Variants in TXLNG observed in about 807,000 individuals in gnomAD.
TXLNG encodes the protein taxilin gamma.
Under a neutral mutation model 38.8 loss-of-function variants are expected in TXLNG, and 5 were observed. The ratio of observed to expected loss-of-function variants is 0.13; its 90% confidence interval spans 0.07 to 0.27. The LOEUF (loss-of-function observed/expected upper bound fraction) is 0.27, where lower values mean the gene tolerates loss of function less well. TXLNG is among the 10% of genes least tolerant of loss of function. TXLNG has a pLI of 1.00. For missense variants in TXLNG, 393 were observed against 398.2 expected (o/e 0.99, Z 0.11); for synonymous variants, 182 against 158.2 (o/e 1.15, Z -1.13).
chrX:16,840,375 C>A (rs903656647), intron 9 of TXLNG: 2 of 697,383 alleles, frequency 2.9e-6, no homozygotes, highest in Admixed American at 1.8e-4. Flanking sequence ...TAGGGCCTTT[C>A]TAGCTTGACT....
At chrX:16,789,697 T>A (rs1264805199) in intron 1 of TXLNG, among the ~76,000 whole-genome samples, 1 of 107,816 alleles carries the variant, frequency 9.3e-6, no homozygotes, top group Non-Finnish European at 1.9e-5. Flanking sequence ...TAAAAAAAAA[T>A]TAATAGACTT....
intron 1 of TXLNG, among the ~76,000 whole-genome samples, chrX:16,814,323 G>C (rs1331959100): frequency 9.0e-6 from 1 of 111,724 alleles, no homozygotes; most frequent in Non-Finnish European, 1.9e-5. Flanking sequence ...CATGCAAATA[G>C]GCAGACTCAG....
At chrX:16,799,155 A>G (rs1927991045) in intron 1 of TXLNG, among the ~76,000 whole-genome samples, 1 of 111,423 alleles carries the variant, frequency 9.0e-6, no homozygotes, top group African/African-American at 3.3e-5. Flanking sequence ...CTGGGATTAT[A>G]GGCATGAGCC....
intron 1 of TXLNG, among the ~76,000 whole-genome samples, chrX:16,816,302 C>T (rs1462301151): frequency 9.0e-6 from 1 of 111,557 alleles, no homozygotes; most frequent in Non-Finnish European, 1.9e-5. Context: ...GGCCTATTAA[C>T]AATTTTAAGA....
intron 1 of TXLNG, among the ~76,000 whole-genome samples, chrX:16,788,301 G>A (rs191585753): frequency 4.6e-3 from 516 of 112,120 alleles, no homozygotes; most frequent in Middle Eastern, 9.2e-3. Flanking sequence ...AACCAAGATA[G>A]GAGGTAATGA....
At chrX:16,811,523 GT>G (rs1390700398) in intron 1 of TXLNG, among the ~76,000 whole-genome samples, 1 of 107,138 alleles carries the variant, frequency 9.3e-6, no homozygotes, top group Non-Finnish European at 1.9e-5. Flanking sequence ...AATTTTTGTG[GT>G]TTTAGTAGAG....
At chrX:16,799,810 T>A (rs1928019774) in intron 1 of TXLNG, among the ~76,000 whole-genome samples, 1 of 111,790 alleles carries the variant, frequency 8.9e-6, no homozygotes, top group Admixed American at 9.5e-5. Flanking sequence ...GTAATGTTAG[T>A]TTTTTTATTC....
At chrX:16,828,574 T>C (rs367657107) in intron 4 of TXLNG, among the ~76,000 whole-genome samples, 20 of 111,889 alleles carry the variant, frequency 1.8e-4, no homozygotes, top group African/African-American at 6.5e-4. Context: ...AGTTTTCTGC[T>C]GAGCACTGAT....
At chrX:16,786,680 CCTATAGCCA>C in intron 1 of TXLNG, 91 bp downstream of exon 1, 1 of 626,499 alleles carries the variant, frequency 1.6e-6, no homozygotes. Flanking sequence ...TCCCTGGTTA[CCTATAGCCA>C]CGGGACGAAC....
chrX:16,821,793 A>G (rs1381335734), intron 3 of TXLNG, among the ~76,000 whole-genome samples: 1 of 107,448 alleles, frequency 9.3e-6, no homozygotes, highest in Non-Finnish European at 1.9e-5. Flanking sequence ...GATCGAGACC[A>G]TCCTGGCTAA....
chrX:16,827,404 A>G (rs1929209774), intron 3 of TXLNG, among the ~76,000 whole-genome samples: 1 of 111,395 alleles, frequency 9.0e-6, no homozygotes, highest in Non-Finnish European at 1.9e-5. Context: ...AGTAGGTTTC[A>G]GCTAGAACTG....
At chrX:16,792,631 C>T (rs780176628) in intron 1 of TXLNG, among the ~76,000 whole-genome samples, 1 of 109,165 alleles carries the variant, frequency 9.2e-6, no homozygotes, top group Non-Finnish European at 1.9e-5. Flanking sequence ...GAATAAAAAA[C>T]TTAGCTAGGC....
intron 1 of TXLNG, among the ~76,000 whole-genome samples, chrX:16,808,757 C>T (rs1481556396): frequency 9.0e-6 from 1 of 111,577 alleles, no homozygotes; most frequent in Non-Finnish European, 1.9e-5. Flanking sequence ...GATGGATGTA[C>T]AGCAGTTTAT....
intron 1 of TXLNG, among the ~76,000 whole-genome samples, chrX:16,815,225 G>T (rs747710060): frequency 1.8e-5 from 2 of 111,847 alleles, no homozygotes; most frequent in Non-Finnish European, 3.8e-5. Flanking sequence ...GCCCAGGCTG[G>T]AGTGCAATGG....
intron 1 of TXLNG, among the ~76,000 whole-genome samples, chrX:16,804,091 A>G (rs1453326919): frequency 1.8e-5 from 2 of 112,632 alleles, no homozygotes; most frequent in African/African-American, 6.5e-5. Context: ...CGCAATCCAC[A>G]CAAAGGTAAT....
chrX:16,792,585 C>A (rs765402891), intron 1 of TXLNG, among the ~76,000 whole-genome samples: 1 of 107,669 alleles, frequency 9.3e-6, no homozygotes, highest in Non-Finnish European at 1.9e-5. Flanking sequence ...TTTTGAGACC[C>A]GCTTGGGCAA....
intron 1 of TXLNG, among the ~76,000 whole-genome samples, chrX:16,805,278 C>T (rs780066980): frequency 9.2e-6 from 1 of 108,989 alleles, no homozygotes; most frequent in Admixed American, 9.8e-5. Flanking sequence ...CCACCGCACC[C>T]GCCCTCCACC....
At chrX:16,834,846 T>C (rs751054566) in intron 7 of TXLNG, among the ~76,000 whole-genome samples, 10 of 112,580 alleles carry the variant, frequency 8.9e-5, no homozygotes, top group Non-Finnish European at 1.7e-4. Context: ...CTAATATCTT[T>C]AGAGTTTTGT....
At chrX:16,839,146 A>G (rs1028350049) in intron 8 of TXLNG, 8 of 112,288 alleles carry the variant, frequency 7.1e-5, no homozygotes, top group African/African-American at 2.3e-4. Flanking sequence ...TTCTGGTAGC[A>G]TAGGTTTAAC....
Sources: allele counts gnomAD v4.1 joint callset (sites outside exome capture counted in the v4.1 genomes callset), GRCh38; gene constraint gnomAD v4.1.1; transcripts MANE v1.5; gene names NCBI Gene and HGNC (gene_info 2026-07-23, HGNC 2026-07-21).